Variants in DHRS7B observed in about 807,000 individuals in gnomAD.
DHRS7B encodes the protein peroxisomal reductase activating PPAR-gamma.
A neutral mutation model predicts 26.4 loss-of-function variants in DHRS7B; 24 were observed. The observed-to-expected ratio is 0.91, with a 90% CI of 0.66 to 1.28. DHRS7B has a LOEUF of 1.28. Among genes scored for constraint, DHRS7B ranks in the 50% most tolerant of loss-of-function variants. The probability of loss-of-function intolerance (pLI) is 0.00; values close to 1 mark genes in which losing one functional copy is unlikely to be tolerated. For synonymous variants in DHRS7B, 142 were observed against 166.4 expected (o/e 0.85, Z 1.13); for missense variants, 368 against 419.4 (o/e 0.88, Z 1.07).
At chr17:21,181,626 T>G (rs1372438034) in intron 3 of DHRS7B, among the ~76,000 whole-genome samples, 2 of 152,212 alleles carry the variant, frequency 1.3e-5, no homozygotes, top group African/African-American at 2.4e-5. Flanking sequence ...CTTTCAACAC[T>G]GTTGCATTGG....
chr17:21,140,560 A>C (rs1044859439), intron 1 of DHRS7B, among the ~76,000 whole-genome samples: 1 of 140,930 alleles, frequency 7.1e-6, no homozygotes. Context: ...TATAGCTTTT[A>C]CTTCAGAACT....
chr17:21,162,884 A>G (rs545290841), intron 1 of DHRS7B, among the ~76,000 whole-genome samples: 64 of 152,292 alleles, frequency 4.2e-4, no homozygotes, highest in African/African-American at 1.2e-3. Context: ...TTTCTTGAAC[A>G]TGCTTGGTAC....
intron 1 of DHRS7B, among the ~76,000 whole-genome samples, chr17:21,148,951 T>G (rs1455146559): frequency 6.6e-6 from 1 of 151,956 alleles, no homozygotes; most frequent in Admixed American, 6.6e-5. Context: ...AAGAAAGATA[T>G]AAATATTTGG....
intron 1 of DHRS7B, among the ~76,000 whole-genome samples, chr17:21,138,155 G>C (rs1420025664): frequency 7.8e-6 from 1 of 127,830 alleles, no homozygotes; most frequent in East Asian, 2.2e-4. Flanking sequence ...GACTTATACT[G>C]ACCATTCGTG....
chr17:21,146,401 A>G (rs1036018254), intron 1 of DHRS7B, among the ~76,000 whole-genome samples: 2 of 152,256 alleles, frequency 1.3e-5, no homozygotes, highest in African/African-American at 4.8e-5. Context: ...ACCTTGTCTC[A>G]GAAAACAAAA....
At chr17:21,188,585 A>G (rs1483590498) in intron 5 of DHRS7B, 126 bp from the exon 6 acceptor site, 1 of 1,143,602 alleles carries the variant, frequency 8.7e-7, no homozygotes, top group Non-Finnish European at 1.2e-6. Flanking sequence ...TAAGCAACAT[A>G]GCAAGACGAT....
intron 1 of DHRS7B, among the ~76,000 whole-genome samples, chr17:21,146,240 C>T (rs1325822925): frequency 6.6e-6 from 1 of 152,142 alleles, no homozygotes; most frequent in Non-Finnish European, 1.5e-5. Context: ...AAAACCAGAT[C>T]TCTACAGAAA....
intron 6 of DHRS7B, 140 bp from the exon 7 acceptor site, chr17:21,190,808 C>T: frequency 1.2e-6 from 1 of 810,124 alleles, no homozygotes; most frequent in Admixed American, 2.7e-5. Context: ...GATGGTGGCA[C>T]ACCACTGGCT....
intron 5 of DHRS7B, among the ~76,000 whole-genome samples, chr17:21,184,728 C>T (rs1432605655): frequency 3.3e-5 from 5 of 152,068 alleles, no homozygotes; most frequent in South Asian, 2.1e-4. Flanking sequence ...AGTCTTAGCC[C>T]GGAGGACTGC....
chr17:21,187,444 T>A (rs1022713545), intron 5 of DHRS7B, among the ~76,000 whole-genome samples: 2 of 151,674 alleles, frequency 1.3e-5, no homozygotes, highest in Non-Finnish European at 2.9e-5. Context: ...GCTAACATAG[T>A]GAAACCCCGT....
chr17:21,164,928 G>A (rs906884789), intron 1 of DHRS7B, among the ~76,000 whole-genome samples: 1 of 152,172 alleles, frequency 6.6e-6, no homozygotes, highest in African/African-American at 2.4e-5. Context: ...CAAACATGAC[G>A]AGCCCTTAAA....
chr17:21,147,255 A>C (rs565670651), intron 1 of DHRS7B, among the ~76,000 whole-genome samples: 1 of 152,176 alleles, frequency 6.6e-6, no homozygotes, highest in African/African-American at 2.4e-5. Flanking sequence ...AGTGTGCCTT[A>C]TATCAGTGAA....
intron 1 of DHRS7B, among the ~76,000 whole-genome samples, chr17:21,154,299 A>T (rs1421285199): frequency 6.6e-6 from 1 of 152,026 alleles, no homozygotes; most frequent in Non-Finnish European, 1.5e-5. Context: ...GACAAGAGCC[A>T]AGCTCTCTCT....
At chr17:21,149,163 T>A (rs764895391) in intron 1 of DHRS7B, among the ~76,000 whole-genome samples, 7 of 151,670 alleles carry the variant, frequency 4.6e-5, no homozygotes, top group Non-Finnish European at 1.0e-4. Context: ...AAAAAAAGCA[T>A]GCAGGAAACC....
At chr17:21,176,152 G>A (rs1014425852) in intron 2 of DHRS7B, among the ~76,000 whole-genome samples, 1 of 151,910 alleles carries the variant, frequency 6.6e-6, no homozygotes, top group African/African-American at 2.4e-5. Flanking sequence ...CACCACACCT[G>A]GCTAATTTTT....
rs934799104 is a variant in DHRS7B at position 21,147,478 on chromosome 17, A to G, written c.20+20487A>G. ...GTATAGTGCTGAGATTATCACGAGA[A>G]TTGTCCCAGAACTCAAACATGAAGA... On this transcript the variant is annotated intron_variant, in intron 1 of 6. Transcript: ENST00000395511. Among the ~76,000 whole-genome samples, 4 of 152,208 alleles carry G rather than the reference A, an allele frequency of 2.6e-5. No homozygotes were observed. The East Asian group carries it at 7.7e-4, about 29-fold the overall frequency.
intron 1 of DHRS7B, among the ~76,000 whole-genome samples, chr17:21,171,415 C>T (rs1299431034): frequency 6.6e-6 from 1 of 152,252 alleles, no homozygotes; most frequent in Admixed American, 6.5e-5. Flanking sequence ...GGAGCCCATG[C>T]TGGTGCTTGG....
chr17:21,153,577 A>G, intron 1 of DHRS7B, among the ~76,000 whole-genome samples: 1 of 152,230 alleles, frequency 6.6e-6, no homozygotes, highest in East Asian at 1.9e-4. Flanking sequence ...TTAGTCCTGT[A>G]GACTGTGTAA....
chr17:21,144,254 A>G (rs1248682931), intron 1 of DHRS7B, among the ~76,000 whole-genome samples: 2 of 152,176 alleles, frequency 1.3e-5, no homozygotes, highest in Non-Finnish European at 2.9e-5. Context: ...TTATCTTATA[A>G]GTGCCTAGAG....
Sources: allele counts gnomAD v4.1 joint callset (sites outside exome capture counted in the v4.1 genomes callset), GRCh38; gene constraint gnomAD v4.1.1; transcripts MANE v1.5; gene names NCBI Gene and HGNC (gene_info 2026-07-23, HGNC 2026-07-21).